Variants in SPATA1 observed in about 807,000 individuals in gnomAD.
The protein encoded by SPATA1 is spermatogenesis associated 1.
A neutral mutation model predicts 59.6 loss-of-function variants in SPATA1; 57 were observed. That is an observed-to-expected ratio of 0.96 (90% CI 0.77 to 1.19). The LOEUF (loss-of-function observed/expected upper bound fraction) is 1.19. Ranked by LOEUF, SPATA1 falls within the 50% of genes most tolerant of loss-of-function variation. The pLI is 0.00. For missense variants in SPATA1, 448 were observed against 480.7 expected (o/e 0.93, Z 0.64); for synonymous variants, 147 against 163.9 (o/e 0.90, Z 0.79).
At chr1:84,524,658 T>C (rs1683148428) in intron 4 of SPATA1, among the ~76,000 whole-genome samples, 1 of 152,168 alleles carries the variant, frequency 6.6e-6, no homozygotes, top group Admixed American at 6.5e-5. Context: ...TCCTTGCACT[T>C]GCCTAGAAAT....
At chr1:84,541,012 T>C (rs1683881168) in intron 8 of SPATA1, among the ~76,000 whole-genome samples, 2 of 152,230 alleles carry the variant, frequency 1.3e-5, no homozygotes, top group Admixed American at 6.5e-5. Flanking sequence ...ATCCTTGGCT[T>C]ATTTCCCTTG....
chr1:84,540,214 A>G (rs1683854140), intron 8 of SPATA1, among the ~76,000 whole-genome samples: 1 of 152,116 alleles, frequency 6.6e-6, no homozygotes, highest in African/African-American at 2.4e-5. Context: ...GTCCATTTAT[A>G]TAATTGATAT....
chr1:84,543,079 G>A (rs748318409), intron 8 of SPATA1, among the ~76,000 whole-genome samples: 1 of 152,152 alleles, frequency 6.6e-6, no homozygotes, highest in African/African-American at 2.4e-5. Flanking sequence ...TTATGTGAAT[G>A]TGGCCTCTCT....
intron 7 of SPATA1, 41 bp from the exon 8 acceptor site, chr1:84,533,668 A>C (rs1443990778): frequency 7.1e-6 from 10 of 1,398,906 alleles, no homozygotes; most frequent in South Asian, 3.8e-5. Flanking sequence ...TATTCATGGG[A>C]TCATGTTTTA....
chr1:84,544,536 A>C (rs957162119), intron 9 of SPATA1, among the ~76,000 whole-genome samples: 20 of 152,020 alleles, frequency 1.3e-4, no homozygotes, highest in Non-Finnish European at 2.2e-4. Flanking sequence ...TACAACAATA[A>C]AAAAGTTAAA....
chr1:84,521,988 T>A (rs887399908), intron 3 of SPATA1, among the ~76,000 whole-genome samples: 5 of 152,162 alleles, frequency 3.3e-5, no homozygotes, highest in East Asian at 3.8e-4. Context: ...ATTTAAAAAA[T>A]TTTTAAGCAC....
At chr1:84,531,570 C>CTTTT (rs11344822) in intron 6 of SPATA1, among the ~76,000 whole-genome samples, 4 of 105,210 alleles carry the variant, frequency 3.8e-5, no homozygotes, top group Admixed American at 1.0e-4. Context: ...TTTGGCAAGT[C>CTTTT]TTTTTTTTTT....
At position 84,563,845 on chromosome 1, in the gene SPATA1, G is replaced by A. The variant is rs769496248; in HGVS notation, n.443-2016G>A. The A allele has an allele frequency of 1.3e-5, 20 of 1,593,816 alleles. No homozygotes were observed. The Middle Eastern group carries it at 6.7e-4, about 53-fold the overall frequency. ...TAGTCATTATATCCTAGTCAAGCAG[G>A]AGAGAAAAAGCATATTTGTTTCTCT... On this transcript the variant is annotated intron_variant and non_coding_transcript_variant, in intron 4 of 4. Coordinates refer to the SPATA1 transcript ENST00000460286.
At chr1:84,551,271 GAC>G in intron 12 of SPATA1, 2 of 983,266 alleles carry the variant, frequency 2.0e-6, no homozygotes, top group Non-Finnish European at 2.4e-6. Context: ...ACAGCTTTAT[GAC>G]ACAGAATAAT....
rs116350413 is a variant in SPATA1 at position 84,562,075 on chromosome 1, A to G, written n.443-3786A>G. Reference sequence around the variant, plus strand: ...CAGTTTCTAAGAACTGCATGTTTCTAAGAATGCTGTGAAACAAGATTATAT... The same window carrying G: ...CAGTTTCTAAGAACTGCATGTTTCTGAGAATGCTGTGAAACAAGATTATAT... On this transcript the variant is annotated intron_variant and non_coding_transcript_variant, in intron 4 of 4. Coordinates refer to the SPATA1 transcript ENST00000460286. Among the ~76,000 whole-genome samples the G allele has an allele frequency of 1.8e-3, 274 of 152,348 alleles. 1 individual carries two copies. Among genetic ancestry groups the G allele is most frequent in the Middle Eastern group, 3.4e-3 (1 of 294 alleles).
intron 9 of SPATA1, 109 bp downstream of exon 9, chr1:84,544,413 T>G (rs1201539206): frequency 3.6e-6 from 3 of 834,782 alleles, no homozygotes; most frequent in Non-Finnish European, 5.6e-6. Context: ...AGAAGATAAA[T>G]AAGTTCTGGA....
intron 10 of SPATA1, among the ~76,000 whole-genome samples, chr1:84,546,976 G>A (rs1471259122): frequency 8.3e-6 from 1 of 121,036 alleles, no homozygotes; most frequent in African/African-American, 4.7e-5. Context: ...TCCGTTTTGG[G>A]TTGTGTTGAG....
chr1:84,519,083 G>C lies in SPATA1; in HGVS notation c.37-1502G>C, dbSNP rs150450140. Among the ~76,000 whole-genome samples the C allele has an allele frequency of 5.0e-4, 76 of 151,714 alleles. 1 individual carries two copies. Among genetic ancestry groups the C allele is most frequent in the African/African-American group, 1.8e-3 (76 of 41,414 alleles). On this transcript the variant is annotated intron_variant, in intron 2 of 12. Transcript: ENST00000490879. ...ACTTGCCACAGATGAAAAATTTAAG[G>C]GGCTACCAAAAAATTTTTTTAGTAA...
downstream of SPATA1, chr1:84,555,298 GAA>G (rs1684396201): frequency 1.1e-6 from 1 of 885,508 alleles, no homozygotes; most frequent in Admixed American, 3.4e-5. Flanking sequence ...CAGTAAGAGG[GAA>G]AAAAGTTTCC....
chr1:84,556,710 C>CAAAA (rs11417377), downstream of SPATA1, among the ~76,000 whole-genome samples: 13 of 93,482 alleles, frequency 1.4e-4, no homozygotes, highest in African/African-American at 4.8e-4. Flanking sequence ...GACTCCGTCT[C>CAAAA]AAAAAAAAAA....
intron 4 of SPATA1, among the ~76,000 whole-genome samples, chr1:84,564,604 C>T (rs1684657189): frequency 6.6e-6 from 1 of 152,156 alleles, no homozygotes; most frequent in African/African-American, 2.4e-5. Flanking sequence ...GAACTTCGGC[C>T]TCATGTGATC....
chr1:84,541,309 ATTGTT>A (rs1418505918), intron 8 of SPATA1, among the ~76,000 whole-genome samples: 3 of 151,954 alleles, frequency 2.0e-5, no homozygotes, highest in African/African-American at 4.8e-5. Context: ...GATCTGTTTC[ATTGTT>A]TTGTTTTGTT....
intron 4 of SPATA1, among the ~76,000 whole-genome samples, chr1:84,523,065 C>T (rs956396482): frequency 1.3e-5 from 2 of 151,864 alleles, no homozygotes; most frequent in Non-Finnish European, 2.9e-5. Context: ...ACACCACGCC[C>T]GGCTAAGTTT....
intron 1 of SPATA1, among the ~76,000 whole-genome samples, chr1:84,511,667 T>TC (rs1682557980): frequency 8.4e-6 from 1 of 119,490 alleles, no homozygotes; most frequent in African/African-American, 4.1e-5. Context: ...TTTTTTTTTT[T>TC]TTTCTTTCTT....
Sources: gnomAD v4.1 joint callset for allele counts (sites outside exome capture counted in the v4.1 genomes callset) on GRCh38, gnomAD v4.1.1 for gene constraint, MANE v1.5 for transcripts, NCBI Gene and HGNC (gene_info 2026-07-23, HGNC 2026-07-21) for gene names.